Variants in GSG1L observed in about 807,000 individuals in gnomAD.
GSG1L encodes the protein germ cell-specific gene 1-like protein.
Under a neutral mutation model 42.1 loss-of-function variants are expected in GSG1L, and 24 were observed. The ratio of observed to expected loss-of-function variants is 0.57; its 90% CI spans 0.41 to 0.80. GSG1L has a LOEUF of 0.80. GSG1L is among the 30% of genes least tolerant of loss of function. GSG1L has a pLI of 0.00. For missense variants in GSG1L, 445 were observed against 472.2 expected (o/e 0.94, Z 0.53); for synonymous variants, 215 against 203.5 (o/e 1.06, Z -0.48).
chr16:27,839,760 T>C (rs993151940), intron 4 of GSG1L, among the ~76,000 whole-genome samples: 1 of 152,268 alleles, frequency 6.6e-6, no homozygotes, highest in Non-Finnish European at 1.5e-5. Flanking sequence ...GACTTTTATG[T>C]AGAAGTTTTA....
At chr16:28,023,813 C>T (rs2085871815) in intron 1 of GSG1L, among the ~76,000 whole-genome samples, 1 of 152,028 alleles carries the variant, frequency 6.6e-6, no homozygotes. Flanking sequence ...TCGCTTGAGC[C>T]AAGGAGTTCA....
intron 2 of GSG1L, among the ~76,000 whole-genome samples, chr16:27,947,591 AAGAAAG>A (rs2084898357): frequency 1.0e-5 from 1 of 96,380 alleles, no homozygotes; most frequent in African/African-American, 5.2e-5. Context: ...GAAAGAAAGA[AAGAAAG>A]AAAAAGAAAG....
intron 3 of GSG1L, among the ~76,000 whole-genome samples, chr16:27,868,935 G>T (rs2083766511): frequency 6.6e-6 from 1 of 152,144 alleles, no homozygotes; most frequent in Non-Finnish European, 1.5e-5. Flanking sequence ...GGAGATAAAA[G>T]GTCTGTGTTC....
At chr16:27,907,613 A>C (rs577034271) in intron 2 of GSG1L, among the ~76,000 whole-genome samples, 1 of 152,304 alleles carries the variant, frequency 6.6e-6, no homozygotes, top group Admixed American at 6.5e-5. Flanking sequence ...CTGGGGTTTT[A>C]ATTGGGGAGC....
intron 2 of GSG1L, among the ~76,000 whole-genome samples, chr16:27,892,935 G>T (rs1453885435): frequency 6.6e-6 from 1 of 152,140 alleles, no homozygotes; most frequent in Admixed American, 6.5e-5. Flanking sequence ...GGCCTGTGAT[G>T]AACACTCACT....
At chr16:27,896,560 A>G (rs1184016193) in intron 2 of GSG1L, among the ~76,000 whole-genome samples, 2 of 152,324 alleles carry the variant, frequency 1.3e-5, no homozygotes, top group East Asian at 3.9e-4. Flanking sequence ...ATTGGAACTT[A>G]AAATTAAATT....
chr16:27,992,860 T>G (rs2085470585), intron 1 of GSG1L, among the ~76,000 whole-genome samples: 1 of 152,126 alleles, frequency 6.6e-6, no homozygotes, highest in African/African-American at 2.4e-5. Flanking sequence ...AGTCAGATAT[T>G]AAGCTGAAGT....
At chr16:27,815,630 C>T (rs2083086537) in intron 5 of GSG1L, among the ~76,000 whole-genome samples, 1 of 152,160 alleles carries the variant, frequency 6.6e-6, no homozygotes, top group Non-Finnish European at 1.5e-5. Context: ...CGTGTCACAT[C>T]CCTCCAGGGG....
chr16:27,975,128 C>A (rs369057022), intron 1 of GSG1L, among the ~76,000 whole-genome samples: 1 of 152,248 alleles, frequency 6.6e-6, no homozygotes, highest in African/African-American at 2.4e-5. Flanking sequence ...GCTGATGCTG[C>A]CGGCCTGGGA....
intron 2 of GSG1L, among the ~76,000 whole-genome samples, chr16:27,930,181 C>T (rs2084639776): frequency 6.6e-6 from 1 of 151,974 alleles, no homozygotes; most frequent in Admixed American, 6.6e-5. Flanking sequence ...GGGCAGATTC[C>T]ATAACCTCAA....
chr16:28,025,408 C>A (rs888114276), intron 1 of GSG1L, among the ~76,000 whole-genome samples: 14 of 152,208 alleles, frequency 9.2e-5, no homozygotes, highest in Non-Finnish European at 1.6e-4. Context: ...ACCCCACCTC[C>A]AAAAGGTTGT....
intron 1 of GSG1L, among the ~76,000 whole-genome samples, chr16:27,999,133 G>A (rs971324353): frequency 3.9e-5 from 6 of 152,180 alleles, no homozygotes; most frequent in Non-Finnish European, 7.3e-5. Flanking sequence ...GAGCATAATA[G>A]GGTTTAATAT....
At chr16:27,988,538 G>A (rs1259069891) in intron 1 of GSG1L, among the ~76,000 whole-genome samples, 1 of 152,080 alleles carries the variant, frequency 6.6e-6, no homozygotes, top group African/African-American at 2.4e-5. Context: ...AGTCTTATAA[G>A]CAGTTATAAA....
At chr16:27,963,057 G>A in intron 2 of GSG1L, 99 bp downstream of exon 2, 1 of 1,015,806 alleles carries the variant, frequency 9.8e-7, no homozygotes, top group South Asian at 1.3e-5. Flanking sequence ...CAGGGATGCT[G>A]AAGAAGATGC....
In GSG1L at chr16:27,881,273, G is replaced by T. The variant is rs1238672679; in HGVS notation, c.550+3213C>A. 3.2e-4 allele frequency among the ~76,000 whole-genome samples: 33 copies of T among 102,412 alleles called. No homozygotes were observed. In the Admixed American group the frequency reaches 4.0e-3, roughly 12 times the overall value. The allele number at this position is 102,412 out of a possible 152,430, so 67.2% of individuals were successfully genotyped here. On this transcript the variant is annotated intron_variant, in intron 3 of 6. Transcript: ENST00000447459. The stretch of plus-strand genomic sequence containing the variant: ...TTTTTTTTTTTTGAGATGGGGTCTT[G>T]CTCTGTCACCCAAGCTGGAGTGCAG...
At chr16:27,894,684 C>T (rs190671742) in intron 2 of GSG1L, among the ~76,000 whole-genome samples, 447 of 152,182 alleles carry the variant, frequency 2.9e-3, no homozygotes, top group East Asian at 0.017. Flanking sequence ...GATGTACCGG[C>T]GCTGGGAGGA....
chr16:27,813,082 C>T (rs542281105), intron 5 of GSG1L, among the ~76,000 whole-genome samples: 60 of 152,120 alleles, frequency 3.9e-4, no homozygotes, highest in Non-Finnish European at 7.3e-4. Flanking sequence ...ACCCGGCCAG[C>T]TTTTAATTCT....
At chr16:27,806,072 C>A (rs28662298) in intron 6 of GSG1L, among the ~76,000 whole-genome samples, 1 of 151,818 alleles carries the variant, frequency 6.6e-6, no homozygotes, top group Non-Finnish European at 1.5e-5. Context: ...TTCCCGAGCC[C>A]GTCTCTGATG....
At chr16:27,957,058 C>G (rs1567534298) in intron 2 of GSG1L, among the ~76,000 whole-genome samples, 2 of 152,170 alleles carry the variant, frequency 1.3e-5, no homozygotes, top group African/African-American at 4.8e-5. Context: ...GTATCAAGTT[C>G]ACAACATCAA....
Sources: gnomAD v4.1 joint callset for allele counts (sites outside exome capture counted in the v4.1 genomes callset) on GRCh38, gnomAD v4.1.1 for gene constraint, MANE v1.5 for transcripts, NCBI Gene and HGNC (gene_info 2026-07-23, HGNC 2026-07-21) for gene names.